NDUFA8: variants seen among roughly 807,000 people sequenced by gnomAD.
NDUFA8 encodes the protein NADH:ubiquinone oxidoreductase subunit A8, also known as NADH dehydrogenase [ubiquinone] 1 alpha subcomplex subunit 8.
In NDUFA8, 16 loss-of-function variants were observed where a neutral mutation model predicts 20.9. The observed-to-expected ratio is 0.77, with a 90% confidence interval of 0.52 to 1.16. NDUFA8 has a LOEUF of 1.16. Among genes scored for constraint, NDUFA8 ranks in the 50% most tolerant of loss-of-function variants. NDUFA8 has a pLI of 0.00. For synonymous variants in NDUFA8, 70 were observed against 76.1 expected, an observed-to-expected ratio of 0.92 and a Z score of 0.41; for missense variants, 202 against 216.4, an observed-to-expected ratio of 0.93 and a Z score of 0.42.
intron 3 of NDUFA8, 46 bp from the exon 4 acceptor site, chr9:122,144,424 G>A: frequency 6.3e-7 from 1 of 1,578,712 alleles, no homozygotes; most frequent in South Asian, 1.1e-5. Context: ...AGCTAGGGTG[G>A]AGGAATCTGT....
At chr9:122,143,052 G>A (rs1289321380), downstream of NDUFA8, among the ~76,000 whole-genome samples, 3 of 152,220 alleles carry the variant, frequency 2.0e-5, no homozygotes, top group East Asian at 3.8e-4. Context: ...GTCAGCACCA[G>A]GTGCAGAAGC....
chr9:122,144,927 G>A (rs1426573219), intron 3 of NDUFA8, among the ~76,000 whole-genome samples: 1 of 152,184 alleles, frequency 6.6e-6, no homozygotes, highest in African/African-American at 2.4e-5. Flanking sequence ...GAAGAATGGA[G>A]GGAGATGAAG....
chr9:122,151,436 T>G (rs988254453), intron 2 of NDUFA8, among the ~76,000 whole-genome samples: 2 of 152,228 alleles, frequency 1.3e-5, no homozygotes, highest in Non-Finnish European at 2.9e-5. Flanking sequence ...CAGGAGCTTC[T>G]GCTCACTTCT....
intron 3 of NDUFA8, among the ~76,000 whole-genome samples, chr9:122,146,533 A>G (rs1828907241): frequency 6.6e-6 from 1 of 152,242 alleles, no homozygotes; most frequent in Non-Finnish European, 1.5e-5. Flanking sequence ...CAGATATAAA[A>G]GACAAAAAAA....
At chr9:122,153,277 A>AAAAATT (rs1564410175) in intron 1 of NDUFA8, among the ~76,000 whole-genome samples, 3 of 151,556 alleles carry the variant, frequency 2.0e-5, no homozygotes, top group Non-Finnish European at 2.9e-5. Flanking sequence ...AAAAAAAAAA[A>AAAAATT]AAATTAAATT....
At chr9:122,147,472 T>C (rs1334323134) in intron 3 of NDUFA8, among the ~76,000 whole-genome samples, 1 of 152,200 alleles carries the variant, frequency 6.6e-6, no homozygotes, top group Non-Finnish European at 1.5e-5. Flanking sequence ...CCTGATCCTA[T>C]TTCCCCAGTG....
chr9:122,142,723 A>G (rs1425640847), downstream of NDUFA8, among the ~76,000 whole-genome samples: 2 of 152,172 alleles, frequency 1.3e-5, no homozygotes, highest in Non-Finnish European at 2.9e-5. Context: ...AAACATGTAA[A>G]GCACTTAGCA....
chr9:122,137,828 C>T, the NDUFA8 span, among the ~76,000 whole-genome samples: 1 of 152,340 alleles, frequency 6.6e-6, no homozygotes, highest in South Asian at 2.1e-4. Flanking sequence ...CTTTATTTTA[C>T]AGCTAAAGAA....
intron 1 of NDUFA8, among the ~76,000 whole-genome samples, chr9:122,155,577 T>A (rs1158060276): frequency 6.6e-6 from 1 of 152,258 alleles, no homozygotes; most frequent in Non-Finnish European, 1.5e-5. Context: ...AATAAATTTA[T>A]GTTTAAAATC....
intron 1 of NDUFA8, 147 bp from the exon 2 acceptor site, chr9:122,152,555 ATTTTT>A: frequency 1.1e-5 from 5 of 461,998 alleles, no homozygotes; most frequent in African/African-American, 2.2e-5. Context: ...CATAATAATA[ATTTTT>A]TTTTTTTTTT....
chr9:122,151,557 A>C (rs1212422799), intron 2 of NDUFA8, among the ~76,000 whole-genome samples: 1 of 152,218 alleles, frequency 6.6e-6, no homozygotes, highest in Non-Finnish European at 1.5e-5. Flanking sequence ...TTCCAAAATG[A>C]GGTCAACAGA....
chr9:122,136,702 G>T, the NDUFA8 span, among the ~76,000 whole-genome samples: 1 of 151,932 alleles, frequency 6.6e-6, no homozygotes, highest in Non-Finnish European at 1.5e-5. Flanking sequence ...GATTACAGGC[G>T]CCCACCAGCA....
At chr9:122,141,873 C>T (rs1299789597), downstream of NDUFA8, among the ~76,000 whole-genome samples, 2 of 152,132 alleles carry the variant, frequency 1.3e-5, no homozygotes, top group Admixed American at 6.6e-5. Flanking sequence ...AGCCAAAAGT[C>T]AGTTTCTTTG....
chr9:122,153,540 T>A (rs1829036624), intron 1 of NDUFA8, among the ~76,000 whole-genome samples: 1 of 152,172 alleles, frequency 6.6e-6, no homozygotes, highest in African/African-American at 2.4e-5. Context: ...GATATTTTCT[T>A]GAGAAGATAC....
At chr9:122,133,027 C>T in the NDUFA8 span, 2 of 455,972 alleles carry the variant, frequency 4.4e-6, no homozygotes, top group African/African-American at 2.0e-5. Flanking sequence ...CCCTTTCATG[C>T]CCATGGTTCC....
At chr9:122,157,910 T>C (rs1195965072) in intron 1 of NDUFA8, among the ~76,000 whole-genome samples, 1 of 152,094 alleles carries the variant, frequency 6.6e-6, no homozygotes, top group East Asian at 1.9e-4. Flanking sequence ...TCCCAGCACT[T>C]TGGGAGGCCG....
chr9:122,141,912 G>C (rs548854592), downstream of NDUFA8, among the ~76,000 whole-genome samples: 70 of 152,248 alleles, frequency 4.6e-4, no homozygotes, highest in African/African-American at 1.5e-3. Context: ...AGGTGGGGAG[G>C]GGGGAGGCAA....
intron 1 of NDUFA8, among the ~76,000 whole-genome samples, chr9:122,156,156 T>C (rs1829073060): frequency 6.6e-6 from 1 of 152,198 alleles, no homozygotes; most frequent in South Asian, 2.1e-4. Context: ...AGAAACAACA[T>C]CCTTTCACAG....
intron 1 of NDUFA8, 116 bp downstream of exon 1, chr9:122,159,511 G>T: frequency 7.8e-7 from 1 of 1,283,094 alleles, no homozygotes; most frequent in Non-Finnish European, 1.1e-6. Context: ...ATATGCGTTG[G>T]AGGACTGGGG....
Sources: allele counts gnomAD v4.1 joint callset (sites outside exome capture counted in the v4.1 genomes callset), GRCh38; gene constraint gnomAD v4.1.1; transcripts MANE v1.5; gene names NCBI Gene and HGNC (gene_info 2026-07-23, HGNC 2026-07-21).